Variants in PPM1H observed in about 807,000 individuals in gnomAD.
The protein encoded by PPM1H is protein phosphatase 1H.
PPM1H carries 27 observed loss-of-function variants against 54.9 expected under a neutral mutation model. The observed-to-expected ratio is 0.49, with a 90% CI of 0.36 to 0.68. The LOEUF is 0.68. PPM1H is among the 30% of genes least tolerant of loss of function. PPM1H has a pLI of 0.00. For missense variants in PPM1H, 596 were observed against 667.8 expected (o/e 0.89, Z 1.19); for synonymous variants, 305 against 270.8 (o/e 1.13, Z -1.24).
At chr12:62,831,338 CAG>C (rs1303963424) in intron 2 of PPM1H, among the ~76,000 whole-genome samples, 2 of 152,118 alleles carry the variant, frequency 1.3e-5, no homozygotes, top group African/African-American at 4.8e-5. Flanking sequence ...TGCTGGCAGA[CAG>C]AGTGTCAATG....
chr12:62,776,148 G>A (rs765910307), intron 4 of PPM1H, among the ~76,000 whole-genome samples: 2 of 152,088 alleles, frequency 1.3e-5, no homozygotes, highest in African/African-American at 2.4e-5. Flanking sequence ...CCCATGATAC[G>A]TGGGAGTATG....
At chr12:62,865,764 T>C (rs1869753750) in intron 1 of PPM1H, among the ~76,000 whole-genome samples, 1 of 152,174 alleles carries the variant, frequency 6.6e-6, no homozygotes, top group African/African-American at 2.4e-5. Context: ...CCCACAGTGC[T>C]GGGATTACAG....
intron 1 of PPM1H, among the ~76,000 whole-genome samples, chr12:62,909,602 A>G (rs1176805299): frequency 6.6e-6 from 1 of 152,212 alleles, no homozygotes; most frequent in African/African-American, 2.4e-5. Flanking sequence ...ACTCAGGTCA[A>G]CAACTAACCT....
At chr12:62,691,869 G>T in intron 7 of PPM1H, among the ~76,000 whole-genome samples, 1 of 151,694 alleles carries the variant, frequency 6.6e-6, no homozygotes, top group South Asian at 2.1e-4. Context: ...CCTGCTGGGA[G>T]GCTGGACTGG....
At chr12:62,866,512 C>G (rs1025963585) in intron 1 of PPM1H, among the ~76,000 whole-genome samples, 7 of 152,160 alleles carry the variant, frequency 4.6e-5, no homozygotes, top group African/African-American at 1.4e-4. Context: ...GATCATTCAC[C>G]ACGAGGAAGT....
At chr12:62,817,036 TA>T (rs2076870061) in intron 2 of PPM1H, among the ~76,000 whole-genome samples, 1 of 144,822 alleles carries the variant, frequency 6.9e-6, no homozygotes, top group African/African-American at 2.6e-5. Flanking sequence ...TTCCTGGTTT[TA>T]AAATCATCCA....
At chr12:62,781,715 CAAG>C (rs2076643628) in intron 4 of PPM1H, among the ~76,000 whole-genome samples, 1 of 152,178 alleles carries the variant, frequency 6.6e-6, no homozygotes, top group Non-Finnish European at 1.5e-5. Context: ...TGATTCAGAG[CAAG>C]AAGTACCTGA....
chr12:62,872,642 C>T (rs1405484672), intron 1 of PPM1H, among the ~76,000 whole-genome samples: 1 of 152,150 alleles, frequency 6.6e-6, no homozygotes, highest in Non-Finnish European at 1.5e-5. Context: ...TATGTTTTAG[C>T]AGTCACCATG....
At chr12:62,916,705 G>T (rs1871635855) in intron 1 of PPM1H, among the ~76,000 whole-genome samples, 2 of 151,770 alleles carry the variant, frequency 1.3e-5, no homozygotes, top group Admixed American at 6.6e-5. Flanking sequence ...CTCTACTATA[G>T]AAATGGATGC....
chr12:62,741,104 C>T (rs962450540), intron 4 of PPM1H, among the ~76,000 whole-genome samples: 1 of 152,146 alleles, frequency 6.6e-6, no homozygotes, highest in African/African-American at 2.4e-5. Context: ...CCAAATCTGT[C>T]TTCTAGCATT....
In PPM1H at chr12:62,690,363, T is replaced by C. The variant is rs534580968; in HGVS notation, c.1138-557A>G. Among the ~76,000 whole-genome samples the C allele has an allele frequency of 2.6e-5, 4 of 152,320 alleles. No individual in the cohort carries two copies. In the East Asian group the frequency reaches 5.8e-4, roughly 22 times the overall value. On this transcript the variant is annotated intron_variant, in intron 7 of 9. Transcript: ENST00000228705. ...CCCAGAGTTCACCTATTATGTTTTA[T>C]GGCTGGAGAAAAGAAACTTATCAAC...
At chr12:62,680,745 A>G (rs2076015108) in intron 8 of PPM1H, among the ~76,000 whole-genome samples, 1 of 152,246 alleles carries the variant, frequency 6.6e-6, no homozygotes, top group African/African-American at 2.4e-5. Context: ...GTCAACCAAC[A>G]GAACTATGAA....
At chr12:62,818,338 T>C (rs1274506096) in intron 2 of PPM1H, among the ~76,000 whole-genome samples, 1 of 152,148 alleles carries the variant, frequency 6.6e-6, no homozygotes, top group African/African-American at 2.4e-5. Context: ...CACCTGAGTA[T>C]GGCAATCAGT....
chr12:62,780,195 G>T (rs2076633281), intron 4 of PPM1H, among the ~76,000 whole-genome samples: 2 of 152,162 alleles, frequency 1.3e-5, no homozygotes, highest in African/African-American at 4.8e-5. Flanking sequence ...GATCAGATTA[G>T]GTTCTGGTGT....
In PPM1H at chr12:62,783,221, A is replaced by T. The variant is rs955256034; in HGVS notation, c.869+5005T>A. On this transcript the variant is annotated intron_variant, in intron 4 of 9. Transcript: ENST00000228705. The stretch of plus-strand genomic sequence containing the variant: ...TGTTGAGAAAACACTCCTTTTCTAT[A>T]TTATAAATGAATGAATTGGACCATC... 5.4e-4 allele frequency among the ~76,000 whole-genome samples: 82 copies of T among 152,226 alleles called. 1 individual carries two copies. The highest frequency in any genetic ancestry group is 1.9e-3 in the African/African-American group (79 of 41,456).
chr12:62,709,842 G>A (rs1419861105), intron 6 of PPM1H, among the ~76,000 whole-genome samples: 10 of 152,056 alleles, frequency 6.6e-5, no homozygotes, highest in South Asian at 2.1e-4. Flanking sequence ...AGGCTGAGGC[G>A]GGCGGATCAC....
chr12:62,874,280 C>A (rs1383759294), intron 1 of PPM1H, among the ~76,000 whole-genome samples: 1 of 152,124 alleles, frequency 6.6e-6, no homozygotes. Flanking sequence ...CCAGGCAAGG[C>A]TGGCACAGAA....
At chr12:62,665,695 A>AT (rs532132584) in intron 9 of PPM1H, among the ~76,000 whole-genome samples, 2 of 151,992 alleles carry the variant, frequency 1.3e-5, no homozygotes, top group Non-Finnish European at 2.9e-5. Flanking sequence ...TTGTTTAGTC[A>AT]TTTTTTTAGT....
At chr12:62,710,026 C>T (rs887648576) in intron 6 of PPM1H, among the ~76,000 whole-genome samples, 44 of 152,040 alleles carry the variant, frequency 2.9e-4, no homozygotes, top group African/African-American at 8.0e-4. Flanking sequence ...GCCGAGATCA[C>T]GCCATTCATT....
Sources: gnomAD v4.1 joint callset for allele counts (sites outside exome capture counted in the v4.1 genomes callset) on GRCh38, gnomAD v4.1.1 for gene constraint, MANE v1.5 for transcripts, NCBI Gene and HGNC (gene_info 2026-07-23, HGNC 2026-07-21) for gene names.